The following SUCLG2 variants were observed in gnomAD, a reference collection of about 807,000 sequenced individuals.
SUCLG2 encodes the protein succinate-CoA ligase GDP-forming subunit beta.
A neutral mutation model predicts 47.9 loss-of-function variants in SUCLG2; 42 were observed. The ratio of observed to expected loss-of-function variants is 0.88; its 90% CI spans 0.69 to 1.14. The LOEUF is 1.14. SUCLG2 is among the 50% of genes most tolerant of loss of function. The probability of loss-of-function intolerance (pLI) is 0.00; values close to 1 mark genes in which losing one functional copy is unlikely to be tolerated. For missense variants in SUCLG2, 571 were observed against 525.9 expected, an observed-to-expected ratio of 1.09 and a Z score of -0.84; for synonymous variants, 195 against 197.3, an observed-to-expected ratio of 0.99 and a Z score of 0.10.
intron 9 of SUCLG2, among the ~76,000 whole-genome samples, chr3:67,415,260 AC>A (rs1703012562): frequency 6.6e-6 from 1 of 152,210 alleles, no homozygotes; most frequent in South Asian, 2.1e-4. Flanking sequence ...GAGAAAAGAA[AC>A]CAAGCAAGTT....
At chr3:67,391,238 G>A (rs535108495) in intron 10 of SUCLG2, among the ~76,000 whole-genome samples, 62 of 152,002 alleles carry the variant, frequency 4.1e-4, no homozygotes, top group African/African-American at 1.4e-3. Context: ...TGTGTCTTTC[G>A]CTTTCTTGAC....
At chr3:67,411,070 C>A (rs1459144690) in intron 9 of SUCLG2, among the ~76,000 whole-genome samples, 1 of 152,114 alleles carries the variant, frequency 6.6e-6, no homozygotes, top group Non-Finnish European at 1.5e-5. Flanking sequence ...AAATTGGCAA[C>A]TTGGTGAAGG....
intron 2 of SUCLG2, among the ~76,000 whole-genome samples, chr3:67,578,665 C>T (rs1707805982): frequency 6.6e-6 from 1 of 152,106 alleles, no homozygotes; most frequent in Non-Finnish European, 1.5e-5. Context: ...AGATGGGTGT[C>T]TCTAGAGAGG....
At chr3:67,492,017 A>AAG (rs1705219981) in intron 9 of SUCLG2, among the ~76,000 whole-genome samples, 1 of 152,158 alleles carries the variant, frequency 6.6e-6, no homozygotes, top group Non-Finnish European at 1.5e-5. Context: ...GAATCCCACT[A>AAG]AGAGTCCCTT....
chr3:67,550,525 T>C (rs1037307871), intron 2 of SUCLG2, among the ~76,000 whole-genome samples: 2 of 152,030 alleles, frequency 1.3e-5, no homozygotes, highest in Non-Finnish European at 2.9e-5. Flanking sequence ...TTTTTTGTTT[T>C]TTATAGAGAT....
At chr3:67,406,734 T>G (rs532562305) in intron 9 of SUCLG2, among the ~76,000 whole-genome samples, 48 of 152,166 alleles carry the variant, frequency 3.2e-4, no homozygotes, top group Non-Finnish European at 2.5e-4. Context: ...GCAAACGCCA[T>G]GACAAAGAGT....
intron 1 of SUCLG2, 33 bp downstream of exon 1, chr3:67,654,470 G>A (rs958884990): frequency 2.0e-5 from 24 of 1,228,020 alleles, no homozygotes; most frequent in Non-Finnish European, 2.4e-5. Flanking sequence ...CGGCGCCGCT[G>A]CTGGCGCCCG....
intron 9 of SUCLG2, among the ~76,000 whole-genome samples, chr3:67,433,713 T>C (rs1487785815): frequency 6.6e-6 from 1 of 151,532 alleles, no homozygotes; most frequent in African/African-American, 2.4e-5. Context: ...GAATTAATAA[T>C]AAATCCAGAC....
At chr3:67,469,621 C>T (rs987129537) in intron 9 of SUCLG2, among the ~76,000 whole-genome samples, 4 of 151,250 alleles carry the variant, frequency 2.6e-5, no homozygotes, top group African/African-American at 7.3e-5. Context: ...CCCAGGTACT[C>T]GGGAGGCTGA....
At chr3:67,648,992 T>A (rs996137506) in intron 1 of SUCLG2, among the ~76,000 whole-genome samples, 1 of 152,106 alleles carries the variant, frequency 6.6e-6, no homozygotes, top group South Asian at 2.1e-4. Context: ...AATGAACAAA[T>A]AACACTACCA....
intron 1 of SUCLG2, among the ~76,000 whole-genome samples, chr3:67,610,102 T>C (rs1349676629): frequency 6.6e-6 from 1 of 152,228 alleles, no homozygotes; most frequent in Non-Finnish European, 1.5e-5. Context: ...TTAATAACTG[T>C]ATATAGACTG....
At chr3:67,542,865 A>G (rs370470912) in intron 2 of SUCLG2, among the ~76,000 whole-genome samples, 132 of 152,288 alleles carry the variant, frequency 8.7e-4, no homozygotes, top group Non-Finnish European at 1.5e-3. Context: ...CTCCCACACA[A>G]TAATAGTGGG....
intron 2 of SUCLG2, among the ~76,000 whole-genome samples, chr3:67,586,116 G>C (rs1677680118): frequency 6.6e-6 from 1 of 151,898 alleles, no homozygotes; most frequent in Admixed American, 6.6e-5. Flanking sequence ...AGAACTACTT[G>C]TGCAGTTAAA....
At chr3:67,654,400 C>T (rs922796885) in intron 1 of SUCLG2, 103 bp downstream of exon 1, 1 of 988,272 alleles carries the variant, frequency 1.0e-6, no homozygotes, top group Non-Finnish European at 1.3e-6. Context: ...GCCCGAGGGG[C>T]CGCGCAGGGG....
intron 1 of SUCLG2, among the ~76,000 whole-genome samples, chr3:67,628,293 T>C (rs902471427): frequency 1.3e-5 from 2 of 152,212 alleles, no homozygotes; most frequent in Admixed American, 6.5e-5. Context: ...CATGAGACAT[T>C]GTAGGCATTC....
chr3:67,651,402 A>T (rs1232107539), intron 1 of SUCLG2, among the ~76,000 whole-genome samples: 1 of 152,038 alleles, frequency 6.6e-6, no homozygotes, highest in Non-Finnish European at 1.5e-5. Flanking sequence ...TCTGCCTAAC[A>T]CACTCTTCCC....
chr3:67,373,849 C>T (rs764132646), downstream of SUCLG2, among the ~76,000 whole-genome samples: 1 of 152,130 alleles, frequency 6.6e-6, no homozygotes, highest in Admixed American at 6.5e-5. Context: ...GTAAAAATGG[C>T]CTGCCTGAGA....
intron 1 of SUCLG2, among the ~76,000 whole-genome samples, chr3:67,627,462 A>C (rs1030782928): frequency 6.6e-6 from 1 of 152,198 alleles, no homozygotes; most frequent in Non-Finnish European, 1.5e-5. Context: ...TAGTAAATCA[A>C]AAGAAAGATG....
At chr3:67,448,804 T>C (rs1703988597) in intron 9 of SUCLG2, among the ~76,000 whole-genome samples, 1 of 152,218 alleles carries the variant, frequency 6.6e-6, no homozygotes, top group Non-Finnish European at 1.5e-5. Flanking sequence ...AAAAACACTA[T>C]TTCTGAATCA....
Sources: allele counts gnomAD v4.1 joint callset (sites outside exome capture counted in the v4.1 genomes callset), GRCh38; gene constraint gnomAD v4.1.1; transcripts MANE v1.5; gene names NCBI Gene and HGNC (gene_info 2026-07-23, HGNC 2026-07-21).